The following ATP8B4 variants were observed in gnomAD, a reference collection of about 807,000 sequenced individuals.
The protein encoded by ATP8B4 is probable phospholipid-transporting ATPase IM.
In ATP8B4, 133 loss-of-function variants were observed where a neutral mutation model predicts 145.6. That is an observed-to-expected ratio of 0.91 (90% CI 0.79 to 1.05). The LOEUF is 1.05. Among genes scored for constraint, ATP8B4 ranks in the 50% least tolerant of loss-of-function variants. The pLI is 0.00. For synonymous variants in ATP8B4, 507 were observed against 492.9 expected (o/e 1.03, Z -0.38); for missense variants, 1,458 against 1,425.2 (o/e 1.02, Z -0.37).
intron 6 of ATP8B4, 29 bp downstream of exon 6, chr15:50,038,739 C>T: frequency 6.3e-7 from 1 of 1,585,056 alleles, no homozygotes; most frequent in Non-Finnish European, 8.7e-7. Context: ...TAGAAATTTT[C>T]AGAATAACCC....
intron 1 of ATP8B4, among the ~76,000 whole-genome samples, chr15:50,130,500 G>T (rs1029330287): frequency 6.6e-6 from 1 of 152,088 alleles, no homozygotes; most frequent in African/African-American, 2.4e-5. Flanking sequence ...GTCTTGGCTG[G>T]GTGCAGTGGC....
chr15:50,061,472 C>A (rs1418216640), intron 3 of ATP8B4, among the ~76,000 whole-genome samples: 4 of 152,092 alleles, frequency 2.6e-5, no homozygotes, highest in Non-Finnish European at 5.9e-5. Flanking sequence ...TTAGTAATAA[C>A]TATTTGTTGA....
rs867823203 is a variant in ATP8B4, at chr15:49,881,056, A to G, written c.2698-1597T>C. Among the ~76,000 whole-genome samples, 25 of 152,244 alleles carry G rather than the reference A, an allele frequency of 1.6e-4. No homozygotes were observed. In the South Asian group the frequency reaches 1.7e-3, roughly 10 times the overall value. Reference sequence around the variant, plus strand: ...GAACCCGAGAGGCTGAGGTTGCAGTAAGCCAAGATCACGCCACTGCACTCC... The same window carrying G: ...GAACCCGAGAGGCTGAGGTTGCAGTGAGCCAAGATCACGCCACTGCACTCC... On this transcript the variant is annotated intron_variant, in intron 23 of 27. Transcript: ENST00000284509.
intron 1 of ATP8B4, among the ~76,000 whole-genome samples, chr15:50,171,303 T>C (rs1006139367): frequency 6.6e-5 from 10 of 152,204 alleles, no homozygotes; most frequent in Admixed American, 6.5e-4. Context: ...CCATGTGATA[T>C]GCCATAAAAC....
intron 3 of ATP8B4, among the ~76,000 whole-genome samples, chr15:50,071,392 C>G (rs919341716): frequency 6.6e-6 from 1 of 152,162 alleles, no homozygotes; most frequent in Non-Finnish European, 1.5e-5. Flanking sequence ...GAGCGTATCA[C>G]TTTACAAGGC....
intron 20 of ATP8B4, among the ~76,000 whole-genome samples, chr15:49,911,385 T>C (rs778977469): frequency 6.6e-6 from 1 of 152,022 alleles, no homozygotes; most frequent in South Asian, 2.1e-4. Context: ...TTATATCAGA[T>C]ACAAGACACT....
chr15:50,055,411 T>C (rs1444801277), intron 3 of ATP8B4, among the ~76,000 whole-genome samples: 1 of 152,214 alleles, frequency 6.6e-6, no homozygotes, highest in Admixed American at 6.5e-5. Flanking sequence ...TGTATCTCTA[T>C]GTTTGTCTTA....
At chr15:49,998,366 A>C (rs2047598519) in intron 8 of ATP8B4, among the ~76,000 whole-genome samples, 1 of 152,190 alleles carries the variant, frequency 6.6e-6, no homozygotes, top group Non-Finnish European at 1.5e-5. Context: ...ACAGTGTAAA[A>C]GTGTTCCTAT....
At chr15:50,136,725 G>A (rs143623139) in intron 1 of ATP8B4, among the ~76,000 whole-genome samples, 4 of 152,258 alleles carry the variant, frequency 2.6e-5, no homozygotes, top group East Asian at 3.9e-4. Context: ...GATGGTGAGC[G>A]TGGGGCTCTG....
At chr15:50,089,019 C>T (rs930883555) in intron 2 of ATP8B4, among the ~76,000 whole-genome samples, 3 of 152,082 alleles carry the variant, frequency 2.0e-5, no homozygotes, top group African/African-American at 7.2e-5. Context: ...CAAAAACAAG[C>T]AATGGGGAAA....
chr15:50,002,497 G>T (rs1256775776), intron 7 of ATP8B4, among the ~76,000 whole-genome samples: 3 of 151,868 alleles, frequency 2.0e-5, no homozygotes, highest in Non-Finnish European at 4.4e-5. Flanking sequence ...TTTTTTTAAT[G>T]AAACATATAA....
At chr15:50,120,908 T>C (rs1332337202), upstream of ATP8B4, among the ~76,000 whole-genome samples, 1 of 152,106 alleles carries the variant, frequency 6.6e-6, no homozygotes, top group Non-Finnish European at 1.5e-5. Flanking sequence ...GGGCCATCTG[T>C]AAAAAGATGA....
chr15:50,127,839 G>A (rs1035316722), intron 1 of ATP8B4, among the ~76,000 whole-genome samples: 2 of 152,154 alleles, frequency 1.3e-5, no homozygotes, highest in Non-Finnish European at 2.9e-5. Context: ...ACACCAGTAA[G>A]GTCTGTCTTT....
chr15:49,997,628 A>T (rs2047536743), intron 8 of ATP8B4, among the ~76,000 whole-genome samples: 1 of 152,088 alleles, frequency 6.6e-6, no homozygotes, highest in Admixed American at 6.6e-5. Flanking sequence ...GTGGTAGGTA[A>T]AAAAGCAAAC....
Position 49,931,140 on chromosome 15 carries a change from T to C in ATP8B4, c.1621A>G (p.Arg541Gly). ...ATACCTATGACAGACATCCTTTTTC[T>C]GGTGTTGTTGAAATCCAAAAAGGCA... ...LLAFLDFNNT[R>G]KRMSVIVRNP... Residue 541 changes from arginine to glycine, a missense_variant, in exon 16 of 28, where the codon AGA becomes GGA. Transcript: ENST00000284509. 6.2e-7 allele frequency: 1 copy of C among 1,611,522 alleles called. No homozygotes were observed. Among genetic ancestry groups the C allele is most frequent in the Non-Finnish European group, 8.5e-7 (1 of 1,178,406 alleles).
chr15:49,923,683 A>C (rs2040462236), intron 16 of ATP8B4, among the ~76,000 whole-genome samples, 189 bp from the exon 17 acceptor site: 1 of 152,180 alleles, frequency 6.6e-6, no homozygotes, highest in African/African-American at 2.4e-5. Flanking sequence ...TAACTTAAGA[A>C]ATGCTCCATC....
intron 1 of ATP8B4, among the ~76,000 whole-genome samples, chr15:50,151,707 C>T (rs1350856900): frequency 1.5e-5 from 2 of 136,276 alleles, no homozygotes; most frequent in African/African-American, 2.8e-5. Context: ...CTGAGATTGT[C>T]TCCAGCCTAA....
At chr15:49,889,195 G>T (rs537652926) in intron 23 of ATP8B4, among the ~76,000 whole-genome samples, 2 of 152,102 alleles carry the variant, frequency 1.3e-5, no homozygotes, top group Non-Finnish European at 2.9e-5. Flanking sequence ...AGTAGGCAGA[G>T]CGCTGAAGTG....
At position 49,858,637 on chromosome 15, in the gene ATP8B4, G is replaced by A. The variant is rs537727633; in HGVS notation, c.*1557C>T. On this transcript the variant is annotated 3_prime_UTR_variant, in exon 28 of 28. Coordinates refer to ENST00000284509, the MANE Select transcript of ATP8B4 (RefSeq NM_024837.4). ...GATTAAGGACTCTGTAGAATTAGAA[G>A]TTGATTTGTAGAAAACCATTAAGAC... The A allele has an allele frequency of 5.9e-4, 90 of 152,284 alleles. No individual in the cohort carries two copies. Among genetic ancestry groups the A allele is most frequent in the African/African-American group, 2.1e-3 (89 of 41,564 alleles). 9.4% of individuals were successfully genotyped at this position (152,284 alleles called of 1,614,324 possible). A position where few individuals can be genotyped will look rare whatever the true frequency, so the allele number is the denominator to read the frequency against.
Sources: gnomAD v4.1 joint callset for allele counts (sites outside exome capture counted in the v4.1 genomes callset) on GRCh38, gnomAD v4.1.1 for gene constraint, MANE v1.5 for transcripts, NCBI Gene and HGNC (gene_info 2026-07-23, HGNC 2026-07-21) for gene names.